LARGE1: variants seen among roughly 807,000 people sequenced by gnomAD.
The protein encoded by LARGE1 is LARGE xylosyl- and glucuronyltransferase 1, also known as xylosyl- and glucuronyltransferase LARGE1.
A neutral mutation model predicts 87.6 loss-of-function variants in LARGE1; 43 were observed. The observed-to-expected ratio is 0.49, with a 90% CI of 0.38 to 0.63. The LOEUF is 0.63. LARGE1 is among the 30% of genes least tolerant of loss of function. LARGE1 has a pLI of 0.00. For missense variants in LARGE1, 802 were observed against 1,000.2 expected (o/e 0.80, Z 2.67); for synonymous variants, 434 against 394.6 (o/e 1.10, Z -1.18).
intron 1 of LARGE1, among the ~76,000 whole-genome samples, chr22:33,918,065 G>A (rs1288672359): frequency 2.0e-5 from 3 of 152,280 alleles, no homozygotes; most frequent in South Asian, 2.1e-4. Context: ...ACTTTAAAGC[G>A]CAGCTCAGGA....
At chr22:33,687,398 T>A (rs891993565) in intron 2 of LARGE1, among the ~76,000 whole-genome samples, 345 of 148,776 alleles carry the variant, frequency 2.3e-3, no homozygotes, top group African/African-American at 6.7e-3. Context: ...TTTTTTTTTT[T>A]AAATAATATT....
At chr22:33,134,256 T>A in the LARGE1 span, among the ~76,000 whole-genome samples, 1 of 30,764 alleles carries the variant, frequency 3.3e-5, no homozygotes, top group East Asian at 8.3e-4. Context: ...AAGAACTCCC[T>A]TTTTTTTTTT....
intron 1 of LARGE1, among the ~76,000 whole-genome samples, chr22:33,804,772 C>T (rs1338202813): frequency 2.0e-5 from 3 of 152,184 alleles, no homozygotes; most frequent in African/African-American, 7.2e-5. Context: ...TTTATTTTTC[C>T]AGAGCATGCA....
At chr22:33,570,867 G>A (rs2078178788) in intron 5 of LARGE1, among the ~76,000 whole-genome samples, 1 of 151,852 alleles carries the variant, frequency 6.6e-6, no homozygotes, top group Non-Finnish European at 1.5e-5. Context: ...AGTCCAACCA[G>A]GAACTTCTTA....
At chr22:33,396,330 T>C (rs1384464026) in intron 7 of LARGE1, among the ~76,000 whole-genome samples, 2 of 152,174 alleles carry the variant, frequency 1.3e-5, no homozygotes, top group Non-Finnish European at 2.9e-5. Flanking sequence ...TAAAATCCCC[T>C]GCTGATTTTA....
chr22:33,110,376 G>A, the LARGE1 span: 17 of 152,192 alleles, frequency 1.1e-4, no homozygotes, highest in Admixed American at 9.2e-4. Context: ...GAATAAAAAA[G>A]GTGCAAGGGG....
chr22:33,708,821 G>A (rs142864439), intron 2 of LARGE1, among the ~76,000 whole-genome samples: 49 of 152,234 alleles, frequency 3.2e-4, no homozygotes, highest in Admixed American at 2.7e-3. Flanking sequence ...GGCTGGTCTC[G>A]AACTCCTGAC....
rs577105956 is a variant in LARGE1, at chr22:33,358,552, C to T, written c.1132-20751G>A. The stretch of plus-strand genomic sequence containing the variant: ...TTTTTTATGCAAATGCTATAAATTG[C>T]CCCTAAGAAGATATATCATTTCCTC... On this transcript the variant is annotated intron_variant, in intron 9 of 14. Transcript: ENST00000397394. 4.6e-5 allele frequency among the ~76,000 whole-genome samples: 7 copies of T among 152,192 alleles called. No homozygotes were observed. The South Asian group carries it at 1.0e-3, about 23-fold the overall frequency.
chr22:33,901,392 C>T (rs1489444771), intron 1 of LARGE1, among the ~76,000 whole-genome samples: 2 of 152,178 alleles, frequency 1.3e-5, no homozygotes, highest in African/African-American at 4.8e-5. Flanking sequence ...AAAGTAAGCA[C>T]CTTACCCAAG....
At chr22:33,792,877 C>T (rs1241798162) in intron 1 of LARGE1, among the ~76,000 whole-genome samples, 1 of 152,176 alleles carries the variant, frequency 6.6e-6, no homozygotes, top group Non-Finnish European at 1.5e-5. Flanking sequence ...AAAACCCCAG[C>T]CACGGGAAAA....
chr22:33,867,169 G>C (rs559361926), intron 1 of LARGE1, among the ~76,000 whole-genome samples: 1 of 152,260 alleles, frequency 6.6e-6, no homozygotes, highest in South Asian at 2.1e-4. Flanking sequence ...ATTACCCCAC[G>C]GTGGATGGAT....
intron 1 of LARGE1, among the ~76,000 whole-genome samples, chr22:33,819,536 C>T (rs1009668149): frequency 2.6e-5 from 4 of 152,104 alleles, no homozygotes; most frequent in African/African-American, 9.7e-5. Context: ...CAAACCTCCC[C>T]ACCGAGCCTC....
chr22:33,500,937 G>A (rs1450260167), intron 6 of LARGE1, among the ~76,000 whole-genome samples: 1 of 152,194 alleles, frequency 6.6e-6, no homozygotes, highest in Non-Finnish European at 1.5e-5. Context: ...ATAGGTGCTA[G>A]CTCAGGGGAG....
At chr22:33,183,179 C>T (rs1923265252) in intron 11 of LARGE1, among the ~76,000 whole-genome samples, 1 of 151,984 alleles carries the variant, frequency 6.6e-6, no homozygotes. Context: ...AGGAACTGAA[C>T]AGACATTTTT....
At chr22:33,112,008 G>C in the LARGE1 span, among the ~76,000 whole-genome samples, 1 of 152,234 alleles carries the variant, frequency 6.6e-6, no homozygotes, top group East Asian at 1.9e-4. Flanking sequence ...CTTGAGATCT[G>C]AGGGTTCAAA....
At chr22:33,269,344 C>T (rs1928123825), downstream of LARGE1, among the ~76,000 whole-genome samples, 1 of 152,170 alleles carries the variant, frequency 6.6e-6, no homozygotes, top group African/African-American at 2.4e-5. Context: ...GTGAAACCAG[C>T]CTTGGCATTA....
the LARGE1 span, among the ~76,000 whole-genome samples, chr22:33,117,564 T>C: frequency 6.6e-6 from 1 of 151,846 alleles, no homozygotes; most frequent in East Asian, 1.9e-4. Flanking sequence ...CATTTCCAAA[T>C]AGAGAAAGAA....
intron 6 of LARGE1, 63 bp from the exon 7 acceptor site, chr22:33,432,328 T>C: frequency 2.4e-6 from 3 of 1,225,340 alleles, no homozygotes; most frequent in African/African-American, 1.5e-5. Context: ...GATCAGTGAC[T>C]ATTGAAGACA....
At position 33,555,859 on chromosome 22, in the gene LARGE1, G is replaced by A. The variant is rs541419659; in HGVS notation, c.787+8989C>T. Among the ~76,000 whole-genome samples the A allele has an allele frequency of 5.3e-5, 8 of 151,878 alleles. No homozygotes were observed. The South Asian group carries it at 1.7e-3, about 32-fold the overall frequency. ...ACAGGAGAACTGCCTGAGCCCGGGAGGTGGAGGTTGCAGTGAGTGGAGATC... is the reference window on the plus strand; with the variant it reads ...ACAGGAGAACTGCCTGAGCCCGGGAAGTGGAGGTTGCAGTGAGTGGAGATC... On this transcript the variant is annotated intron_variant, in intron 6 of 14. Coordinates refer to ENST00000397394, the MANE Select transcript of LARGE1 (RefSeq NM_133642.5).
Sources: gnomAD v4.1 joint callset for allele counts (sites outside exome capture counted in the v4.1 genomes callset) on GRCh38, gnomAD v4.1.1 for gene constraint, MANE v1.5 for transcripts, NCBI Gene and HGNC (gene_info 2026-07-23, HGNC 2026-07-21) for gene names.